Variants in LRRC9 observed in about 807,000 individuals in gnomAD.
The protein encoded by LRRC9 is leucine-rich repeat-containing protein 9.
Under a neutral mutation model 63.2 loss-of-function variants are expected in LRRC9, and 122 were observed. The observed-to-expected ratio is 1.93, with a 90% CI of 1.67 to 2.24. LRRC9 has a LOEUF of 2.24. LRRC9 is among the 30% of genes most tolerant of loss of function. The pLI, the probability that LRRC9 is intolerant of heterozygous loss-of-function variation, is 0.00. For missense variants in LRRC9, 1,071 were observed against 627.7 expected, an observed-to-expected ratio of 1.71 and a Z score of -7.55; for synonymous variants, 366 against 213.1, an observed-to-expected ratio of 1.72 and a Z score of -6.25.
At chr14:60,063,427 C>T (rs565424383) in exon 32 of LRRC9, 103 of 658,742 alleles carry the variant, frequency 1.6e-4, no homozygotes, top group African/African-American at 1.2e-3. Flanking sequence ...CAAAAACTAG[C>T]GGACAGTGGT....
At chr14:59,982,002 G>A (rs1161641936) in exon 16 of LRRC9, 1 of 702,586 alleles carries the variant, frequency 1.4e-6, no homozygotes, top group Admixed American at 2.0e-5. Context: ...AAACTGATTA[G>A]TTTGGATGAT....
chr14:60,034,135 A>G (rs1012220404), intron 29 of LRRC9, among the ~76,000 whole-genome samples: 6 of 144,944 alleles, frequency 4.1e-5, no homozygotes, highest in Non-Finnish European at 6.0e-5. Context: ...ATTCTTCCTC[A>G]GCCTCCCGAG....
chr14:59,951,819 AG>A (rs1323375606), intron 8 of LRRC9, among the ~76,000 whole-genome samples: 41 of 152,286 alleles, frequency 2.7e-4, no homozygotes, highest in African/African-American at 8.9e-4. Context: ...CTCGGGGGTC[AG>A]GGGTCAGGGA....
intron 17 of LRRC9, among the ~76,000 whole-genome samples, chr14:59,988,893 A>G: frequency 6.6e-6 from 1 of 152,124 alleles, no homozygotes; most frequent in East Asian, 1.9e-4. Flanking sequence ...TGTCCTTTAT[A>G]CTTGAAAGGT....
chr14:59,970,208 T>C (rs186673627), intron 12 of LRRC9, among the ~76,000 whole-genome samples: 2 of 143,232 alleles, frequency 1.4e-5, no homozygotes, highest in African/African-American at 5.1e-5. Context: ...AGTGAGAAAA[T>C]GTAGTATTTT....
chr14:59,965,943 G>T (rs904026515), intron 10 of LRRC9, among the ~76,000 whole-genome samples: 4 of 130,528 alleles, frequency 3.1e-5, no homozygotes, highest in African/African-American at 1.2e-4. Flanking sequence ...GAAGAAAGGA[G>T]AGGATTATTC....
intron 26 of LRRC9, among the ~76,000 whole-genome samples, chr14:60,019,595 T>C (rs1890960533): frequency 6.6e-6 from 1 of 151,920 alleles, no homozygotes; most frequent in Non-Finnish European, 1.5e-5. Context: ...TCACATACCA[T>C]AAAACTCACC....
chr14:59,974,595 C>A, exon 13 of LRRC9: 2 of 651,732 alleles, frequency 3.1e-6, no homozygotes, highest in Admixed American at 2.6e-5. Flanking sequence ...AAAAAAGAAG[C>A]CATCATTGTT....
chr14:60,051,761 G>C lies in LRRC9; in HGVS notation c.3991-1304G>C, dbSNP rs1416700621. ...ACTTCTGGGTCTCTGTGCCTGAGCA[G>C]CTACTCTGCCAAGACTCCACACTGC... On this transcript the variant is annotated intron_variant, in intron 29 of 31. Transcript: ENST00000445360. This position sits in a 1 kb window ranked among gnomAD's most constrained non-coding sequence, Gnocchi z 4.7. Among the ~76,000 whole-genome samples the C allele has an allele frequency of 6.6e-6, 1 of 152,204 alleles. No homozygotes were observed. Among genetic ancestry groups the C allele is most frequent in the Non-Finnish European group, 1.5e-5 (1 of 68,036 alleles).
At chr14:59,994,338 G>A (rs1366944420) in intron 17 of LRRC9, among the ~76,000 whole-genome samples, 7 of 152,114 alleles carry the variant, frequency 4.6e-5, no homozygotes, top group African/African-American at 1.2e-4. Context: ...TTAGAATGGC[G>A]ATCATTAAAA....
chr14:59,938,364 G>A lies in LRRC9; in HGVS notation c.544-26G>A, dbSNP rs1463645157. On this transcript the variant is annotated intron_variant, in intron 6 of 31. Transcript: ENST00000445360. This position sits in a 1 kb window ranked among gnomAD's most constrained non-coding sequence, Gnocchi z 4.2. ...TTAGAAATGACAGTCACAATTAACT[G>A]AACATTATCTTTGCTGGCATTTTAG... The A allele has an allele frequency of 1.5e-6, 1 of 665,036 alleles. No homozygotes were observed. Among genetic ancestry groups the A allele is most frequent in the Admixed American group, 2.2e-5 (1 of 45,224 alleles). The allele number at this position is 665,036 out of a possible 1,614,324, so 41.2% of individuals were successfully genotyped here.
chr14:59,968,865 G>C (rs1199101986), intron 12 of LRRC9, among the ~76,000 whole-genome samples: 1 of 152,168 alleles, frequency 6.6e-6, no homozygotes, highest in Non-Finnish European at 1.5e-5. Flanking sequence ...CTGTCCAAAA[G>C]AGTAGCCACC....
intron 8 of LRRC9, among the ~76,000 whole-genome samples, chr14:59,945,517 T>C (rs548748295): frequency 2.6e-5 from 4 of 151,998 alleles, no homozygotes; most frequent in African/African-American, 9.6e-5. Flanking sequence ...AGAATAAATA[T>C]ATAGATGGAT....
intron 29 of LRRC9, among the ~76,000 whole-genome samples, chr14:60,039,503 T>C (rs1172894629): frequency 6.6e-6 from 1 of 152,242 alleles, no homozygotes; most frequent in East Asian, 1.9e-4. Context: ...AGGGTGTGTG[T>C]GTCCAGGAAT....
chr14:60,013,804 G>A (rs546747235), intron 23 of LRRC9, among the ~76,000 whole-genome samples: 5 of 151,948 alleles, frequency 3.3e-5, no homozygotes, highest in South Asian at 2.1e-4. Flanking sequence ...TATTATATTC[G>A]AAGTGAGTTT....
intron 17 of LRRC9, 94 bp downstream of exon 17, chr14:59,985,318 G>A: frequency 3.9e-6 from 2 of 508,902 alleles, no homozygotes; most frequent in Non-Finnish European, 7.0e-6. Flanking sequence ...GGGAAATGGG[G>A]AGATATTGGT....
chr14:60,033,431 T>A (rs930920813), intron 29 of LRRC9, among the ~76,000 whole-genome samples: 17 of 152,118 alleles, frequency 1.1e-4, no homozygotes, highest in Non-Finnish European at 2.5e-4. Flanking sequence ...TTTCAGTAGG[T>A]TATGGGAAGA....
chr14:59,987,938 C>T (rs1314347584), intron 17 of LRRC9, among the ~76,000 whole-genome samples: 2 of 152,056 alleles, frequency 1.3e-5, no homozygotes, highest in African/African-American at 2.4e-5. Context: ...GAATTTGTTC[C>T]CTATCATTTC....
exon 8 of LRRC9, chr14:59,944,641 A>G (rs1484970824): frequency 1.5e-6 from 1 of 671,656 alleles, no homozygotes; most frequent in Non-Finnish European, 2.7e-6. Flanking sequence ...AAAACTCTTC[A>G]GAGGCATCTT....
Sources: allele counts gnomAD v4.1 joint callset (sites outside exome capture counted in the v4.1 genomes callset), GRCh38; gene constraint gnomAD v4.1.1; non-coding constraint Gnocchi (gnomAD v3.1); transcripts MANE v1.5; gene names NCBI Gene and HGNC (gene_info 2026-07-23, HGNC 2026-07-21).